Variants in UPP2 observed in about 807,000 individuals in gnomAD.
The protein encoded by UPP2 is UPase 2.
In UPP2, 23 loss-of-function variants were observed where a neutral mutation model predicts 26.7. The observed-to-expected ratio is 0.86, with a 90% CI of 0.62 to 1.22. The LOEUF (loss-of-function observed/expected upper bound fraction) is 1.22, where lower values mean the gene tolerates loss of function less well. Ranked by LOEUF, UPP2 falls within the 50% of genes most tolerant of loss-of-function variation. UPP2 has a pLI of 0.00. For synonymous variants in UPP2, 127 were observed against 141.3 expected, an observed-to-expected ratio of 0.90 and a Z score of 0.72; for missense variants, 387 against 396.7, an observed-to-expected ratio of 0.98 and a Z score of 0.21.
intron 3 of UPP2, among the ~76,000 whole-genome samples, chr2:158,085,929 T>C (rs1027920335): frequency 6.6e-6 from 1 of 152,128 alleles, no homozygotes; most frequent in African/African-American, 2.4e-5. Flanking sequence ...GATTTTTGTA[T>C]CTTTGTACGT....
chr2:158,084,151 C>T (rs1328114054), intron 3 of UPP2, among the ~76,000 whole-genome samples: 1 of 152,036 alleles, frequency 6.6e-6, no homozygotes, highest in East Asian at 1.9e-4. Context: ...TCCCTTTTCA[C>T]CACATCCATG....
At chr2:158,050,724 G>A (rs1449630114) in intron 3 of UPP2, among the ~76,000 whole-genome samples, 2 of 152,128 alleles carry the variant, frequency 1.3e-5, no homozygotes, top group Admixed American at 6.5e-5. Context: ...TTAAAAATGA[G>A]TTTTTATTTG....
chr2:158,134,868 G>A lies in UPP2; in HGVS notation c.932G>A (p.Arg311Gln), dbSNP rs1014463367. The change falls in exon 7 of 7, where the codon CGG becomes CAG. Residue 311 changes from arginine to glutamine, a missense_variant. Transcript: ENST00000005756. Reference protein sequence around the residue: ...PQLLISNFIRRRLGLCD With the variant: ...PQLLISNFIRQRLGLCD ...CTCCTAATCTCCAACTTCATCAGAC[G>A]GCGGCTTGGACTTTGTGACTAGACG... 11 of 1,613,242 alleles carry A rather than the reference G, an allele frequency of 6.8e-6. No individual in the cohort carries two copies. Among genetic ancestry groups the A allele is most frequent in the South Asian group, 3.3e-5 (3 of 90,978 alleles).
rs777257893 is a variant in UPP2 at position 158,106,137 on chromosome 2, TGATG to T, written c.106_109del (p.Asp36LysfsTer23). ...CACGTTAAAAATCCTTACTTGGATT[TGATG>T]GATGAAGACATTCTCTATCACTTGG... On this transcript the variant is annotated frameshift_variant, in exon 2 of 7. Transcript: ENST00000005756. LOFTEE classifies it high-confidence loss of function. 3.1e-6 allele frequency: 5 copies of T among 1,605,204 alleles called. No homozygotes were observed. The highest frequency in any genetic ancestry group is 4.2e-6 in the Non-Finnish European group (5 of 1,177,036).
intron 6 of UPP2, among the ~76,000 whole-genome samples, chr2:158,134,249 G>A (rs76734092): frequency 0.063 from 9,637 of 152,156 alleles, 320 homozygotes; most frequent in Non-Finnish European, 0.076. Flanking sequence ...TGAGGTCAGC[G>A]TTCTATATCT....
At chr2:158,058,292 CAAAAAAAAAAAAAAAAAAAAAA>C (rs57994785) in intron 3 of UPP2, among the ~76,000 whole-genome samples, 2 of 38,806 alleles carry the variant, frequency 5.2e-5, no homozygotes, top group Admixed American at 6.3e-4. Context: ...GACTCCGTCT[CAAAAAAAAAAAAAAAAAAAAAA>C]AAAAAAAAAA....
At chr2:158,130,144 C>G (rs895139729) in intron 6 of UPP2, among the ~76,000 whole-genome samples, 2 of 151,994 alleles carry the variant, frequency 1.3e-5, no homozygotes, top group Non-Finnish European at 2.9e-5. Flanking sequence ...AATTTAAACA[C>G]TTAGATTGAG....
intron 3 of UPP2, among the ~76,000 whole-genome samples, chr2:158,095,143 G>T (rs1682966202): frequency 6.6e-6 from 1 of 152,072 alleles, no homozygotes; most frequent in African/African-American, 2.4e-5. Context: ...CTGCTATTTG[G>T]GTAAAATCAT....
rs546709619 is a variant in UPP2, at chr2:158,120,334, G to A, written c.455-1075G>A. On this transcript the variant is annotated intron_variant, in intron 4 of 6. Transcript: ENST00000005756. ...AATATGTAAATAAATGGGTGTGGCT[G>A]TGTGACTAATAAAACTTTATTTACA... 7.7e-4 allele frequency among the ~76,000 whole-genome samples: 117 copies of A among 152,170 alleles called. 3 individuals carry two copies. Among genetic ancestry groups the A allele is most frequent in the Non-Finnish European group, 1.4e-3 (95 of 67,960 alleles).
At chr2:158,118,047 A>G (rs1176065283) in intron 4 of UPP2, 109 bp downstream of exon 4, 2 of 863,312 alleles carry the variant, frequency 2.3e-6, no homozygotes, top group Non-Finnish European at 1.8e-6. Flanking sequence ...GATGGGCTAA[A>G]AAGTGTCAGA....
At chr2:158,123,255 C>T (rs1042681482) in intron 5 of UPP2, among the ~76,000 whole-genome samples, 11 of 152,040 alleles carry the variant, frequency 7.2e-5, no homozygotes, top group Admixed American at 2.0e-4. Flanking sequence ...GAGAAGTGTG[C>T]GGAAAGGGGG....
chr2:158,029,243 AAGATCAAAGC>A (rs1276002482), intron 3 of UPP2, among the ~76,000 whole-genome samples: 1 of 152,266 alleles, frequency 6.6e-6, no homozygotes, highest in Non-Finnish European at 1.5e-5. Flanking sequence ...GTACTGTTCT[AAGATCAAAGC>A]AGCACTTCGT....
At chr2:158,048,637 T>A (rs980104038) in intron 3 of UPP2, among the ~76,000 whole-genome samples, 2 of 152,156 alleles carry the variant, frequency 1.3e-5, no homozygotes, top group African/African-American at 4.8e-5. Context: ...CAAAAGAAAC[T>A]GAGGACTCCC....
intron 3 of UPP2, among the ~76,000 whole-genome samples, chr2:158,116,796 C>G (rs1046969110): frequency 1.3e-5 from 2 of 152,116 alleles, no homozygotes; most frequent in African/African-American, 4.8e-5. Context: ...TTCCAAAGTC[C>G]TAAACTTGTT....
intron 6 of UPP2, among the ~76,000 whole-genome samples, chr2:158,131,497 T>C (rs6756966): frequency 0.13 from 19,934 of 152,160 alleles, 2,138 homozygotes; most frequent in African/African-American, 0.3. Flanking sequence ...TATTTTTGTG[T>C]GAAAAGAGGT....
intron 3 of UPP2, among the ~76,000 whole-genome samples, chr2:158,068,793 TATATATA>T: frequency 5.8e-5 from 1 of 17,128 alleles, no homozygotes; most frequent in African/African-American, 2.4e-4. Flanking sequence ...TATATATATA[TATATATA>T]TATTTTTTTT....
chr2:158,037,528 G>C (rs774255856), intron 3 of UPP2, among the ~76,000 whole-genome samples: 23 of 152,154 alleles, frequency 1.5e-4, no homozygotes, highest in Non-Finnish European at 1.9e-4. Flanking sequence ...AGTGTCAGCA[G>C]GGTGAATTCC....
At chr2:158,062,677 C>T (rs1416381533) in intron 3 of UPP2, among the ~76,000 whole-genome samples, 3 of 152,090 alleles carry the variant, frequency 2.0e-5, no homozygotes, top group Non-Finnish European at 4.4e-5. Context: ...GGCAGGAATT[C>T]CCTCCTTTTT....
At chr2:158,064,949 T>A (rs1014145849) in intron 3 of UPP2, among the ~76,000 whole-genome samples, 5 of 152,168 alleles carry the variant, frequency 3.3e-5, no homozygotes, top group Admixed American at 2.0e-4. Context: ...GGTCTATATA[T>A]CTGTTTTGGT....
Sources: gnomAD v4.1 joint callset for allele counts (sites outside exome capture counted in the v4.1 genomes callset) on GRCh38, gnomAD v4.1.1 for gene constraint, MANE v1.5 for transcripts, NCBI Gene and HGNC (gene_info 2026-07-23, HGNC 2026-07-21) for gene names.